Variants in GFRA1 observed in about 807,000 individuals in gnomAD.
The protein encoded by GFRA1 is GDNF family receptor alpha 1, also known as GDNF family receptor alpha-1.
A neutral mutation model predicts 51.6 loss-of-function variants in GFRA1; 16 were observed. The ratio of observed to expected loss-of-function variants is 0.31; its 90% CI spans 0.21 to 0.47. GFRA1 has a LOEUF of 0.47. Among genes scored for constraint, GFRA1 ranks in the 20% least tolerant of loss-of-function variants. The probability of loss-of-function intolerance (pLI) is 1.00; values close to 1 mark genes in which losing one functional copy is unlikely to be tolerated. For missense variants in GFRA1, 530 were observed against 594.3 expected (o/e 0.89, Z 1.13); for synonymous variants, 270 against 241.3 (o/e 1.12, Z -1.10).
At chr10:116,066,163 C>T (rs965543963) in intron 9 of GFRA1, among the ~76,000 whole-genome samples, 10 of 152,186 alleles carry the variant, frequency 6.6e-5, no homozygotes, top group African/African-American at 2.4e-4. Flanking sequence ...CTTCAGTCAA[C>T]AAACCCTTAC....
chr10:116,257,205 G>A (rs972414675), intron 4 of GFRA1, among the ~76,000 whole-genome samples: 6 of 152,122 alleles, frequency 3.9e-5, no homozygotes, highest in African/African-American at 9.7e-5. Context: ...CCTAGCAGCC[G>A]AGGCCCTTCA....
intron 4 of GFRA1, among the ~76,000 whole-genome samples, chr10:116,253,486 T>C (rs994950572): frequency 6.6e-6 from 1 of 152,138 alleles, no homozygotes; most frequent in Non-Finnish European, 1.5e-5. Flanking sequence ...TGCATGCCTG[T>C]AGTCCCAGCT....
intron 6 of GFRA1, among the ~76,000 whole-genome samples, chr10:116,117,102 G>A (rs1957440804): frequency 6.6e-6 from 1 of 152,194 alleles, no homozygotes; most frequent in African/African-American, 2.4e-5. Flanking sequence ...GTGGAAGCAG[G>A]GTGACCCTTG....
intron 9 of GFRA1, among the ~76,000 whole-genome samples, chr10:116,078,911 G>A (rs1012742887): frequency 1.4e-4 from 22 of 152,204 alleles, no homozygotes; most frequent in African/African-American, 4.8e-4. Context: ...TGACATGTCT[G>A]GTGCTAGTTT....
At chr10:116,086,037 A>AAGTT (rs1353175784) in intron 9 of GFRA1, among the ~76,000 whole-genome samples, 1 of 152,152 alleles carries the variant, frequency 6.6e-6, no homozygotes, top group Non-Finnish European at 1.5e-5. Context: ...CTTGGCCTCA[A>AAGTT]AGTTAGAAAT....
intron 6 of GFRA1, among the ~76,000 whole-genome samples, chr10:116,123,711 T>C (rs892366278): frequency 6.6e-6 from 1 of 152,198 alleles, no homozygotes; most frequent in African/African-American, 2.4e-5. Context: ...GGGGACAAAG[T>C]ACAGCTGTTT....
chr10:116,184,217 C>A (rs1312138527), intron 5 of GFRA1, among the ~76,000 whole-genome samples: 1 of 152,256 alleles, frequency 6.6e-6, no homozygotes, highest in African/African-American at 2.4e-5. Context: ...CCTCTAGCAA[C>A]TGGCTTATGA....
intron 4 of GFRA1, among the ~76,000 whole-genome samples, chr10:116,247,676 C>T (rs192699819): frequency 3.3e-5 from 5 of 152,202 alleles, no homozygotes; most frequent in Admixed American, 6.5e-5. Flanking sequence ...AGCTTGGGAA[C>T]TTCATTTCAC....
At chr10:116,257,482 T>C (rs986061016) in intron 4 of GFRA1, among the ~76,000 whole-genome samples, 4 of 152,148 alleles carry the variant, frequency 2.6e-5, no homozygotes, top group African/African-American at 9.7e-5. Context: ...GAGCTTGAAC[T>C]TGACCCACAC....
intron 9 of GFRA1, among the ~76,000 whole-genome samples, chr10:116,083,422 C>T (rs1019645704): frequency 1.5e-4 from 23 of 152,200 alleles, no homozygotes; most frequent in South Asian, 8.3e-4. Context: ...ATTAACGGGC[C>T]GCCAAAGCAT....
chr10:116,066,215 A>G (rs56354222), intron 9 of GFRA1, among the ~76,000 whole-genome samples: 2,259 of 152,264 alleles, frequency 0.015, 57 homozygotes, highest in African/African-American at 0.05. Context: ...ATAGTGATGA[A>G]CAAAAAAGGA....
At chr10:116,254,333 AAAGAAAG>A (rs1428174656) in intron 4 of GFRA1, among the ~76,000 whole-genome samples, 22 of 145,124 alleles carry the variant, frequency 1.5e-4, no homozygotes, top group African/African-American at 2.9e-4. Flanking sequence ...AAAAAAAAAA[AAAGAAAG>A]AAAGAAAGAA....
intron 5 of GFRA1, among the ~76,000 whole-genome samples, chr10:116,150,288 C>T (rs1305192124): frequency 6.6e-6 from 1 of 152,134 alleles, no homozygotes; most frequent in African/African-American, 2.4e-5. Flanking sequence ...ACCGAGCTTC[C>T]TCTAACTAAT....
At chr10:116,238,951 C>T (rs1200423545) in intron 4 of GFRA1, among the ~76,000 whole-genome samples, 1 of 152,134 alleles carries the variant, frequency 6.6e-6, no homozygotes, top group African/African-American at 2.4e-5. Context: ...TTTTCAGTTC[C>T]CTCGACTGGG....
chr10:116,198,714 T>C (rs1160894646), intron 5 of GFRA1, among the ~76,000 whole-genome samples: 1 of 152,178 alleles, frequency 6.6e-6, no homozygotes, highest in Non-Finnish European at 1.5e-5. Context: ...CTGGACTCTC[T>C]TTCTTGCCCC....
At chr10:116,214,646 A>G (rs1003389570) in intron 4 of GFRA1, among the ~76,000 whole-genome samples, 10 of 152,252 alleles carry the variant, frequency 6.6e-5, no homozygotes, top group African/African-American at 2.4e-4. Context: ...ATGAATACAG[A>G]CAAAAATTTC....
At chr10:116,266,768 A>G (rs970002071) in intron 4 of GFRA1, among the ~76,000 whole-genome samples, 1 of 152,254 alleles carries the variant, frequency 6.6e-6, no homozygotes, top group African/African-American at 2.4e-5. Context: ...TCATAAATTC[A>G]GACAAACCAG....
At chr10:116,139,032 A>G (rs1364906576) in intron 5 of GFRA1, among the ~76,000 whole-genome samples, 1 of 152,184 alleles carries the variant, frequency 6.6e-6, no homozygotes, top group Non-Finnish European at 1.5e-5. Flanking sequence ...TAAATTCAGC[A>G]GTATTCTCGT....
At chr10:116,134,586 G>A (rs370692618) in intron 5 of GFRA1, among the ~76,000 whole-genome samples, 4 of 152,112 alleles carry the variant, frequency 2.6e-5, no homozygotes, top group South Asian at 2.1e-4. Context: ...TTTGTCATTC[G>A]TACACTGTTT....
Sources: allele counts gnomAD v4.1 joint callset (sites outside exome capture counted in the v4.1 genomes callset), GRCh38; gene constraint gnomAD v4.1.1; transcripts MANE v1.5; gene names NCBI Gene and HGNC (gene_info 2026-07-23, HGNC 2026-07-21).